PIERCE2: variants seen among roughly 807,000 people sequenced by gnomAD.
The protein encoded by PIERCE2 is piercer of microtubule wall 2.
At chr15:55,413,387 G>T in the PIERCE2 span, among the ~76,000 whole-genome samples, 3 of 152,162 alleles carry the variant, frequency 2.0e-5, no homozygotes, top group African/African-American at 7.2e-5. Flanking sequence ...GATCACTACT[G>T]CACTCTAGCC....
the PIERCE2 span, chr15:55,408,866 C>A: frequency 2.0e-6 from 2 of 996,788 alleles, no homozygotes; most frequent in Non-Finnish European, 2.9e-6. Flanking sequence ...ACTCCTACCA[C>A]CCCCAACCCC....
the PIERCE2 span, among the ~76,000 whole-genome samples, chr15:55,409,289 C>T: frequency 6.6e-6 from 1 of 152,074 alleles, no homozygotes; most frequent in South Asian, 2.1e-4. Flanking sequence ...CCTGTAATCC[C>T]AGCTACTTGG....
chr15:55,416,184 C>G, the PIERCE2 span, among the ~76,000 whole-genome samples: 3 of 152,134 alleles, frequency 2.0e-5, no homozygotes, highest in African/African-American at 7.2e-5. Context: ...ACTGCAACCT[C>G]TGCCTCATGG....
chr15:55,415,477 G>C, the PIERCE2 span, among the ~76,000 whole-genome samples: 2 of 150,174 alleles, frequency 1.3e-5, no homozygotes, highest in South Asian at 2.1e-4. Flanking sequence ...AAAAAAAAGA[G>C]GGAAGGGAAG....
the PIERCE2 span, among the ~76,000 whole-genome samples, chr15:55,415,391 G>C: frequency 6.6e-6 from 1 of 151,418 alleles, no homozygotes; most frequent in African/African-American, 2.4e-5. Context: ...GGAAGGCGGA[G>C]GTTGCAGTGA....
At chr15:55,418,334 A>T in the PIERCE2 span, 2 of 1,540,982 alleles carry the variant, frequency 1.3e-6, no homozygotes, top group Non-Finnish European at 1.8e-6. Context: ...GGATCCAAAG[A>T]CACTCCAGAC....
chr15:55,418,221 A>G, the PIERCE2 span: 9 of 1,569,544 alleles, frequency 5.7e-6, no homozygotes, highest in Admixed American at 1.9e-5. Flanking sequence ...TTTATCTTTT[A>G]GGATAAGAAA....
chr15:55,417,790 T>A, the PIERCE2 span: 1 of 213,690 alleles, frequency 4.7e-6, no homozygotes, highest in Non-Finnish European at 9.4e-6. Context: ...ATCACCTGGG[T>A]GGAGGCGGGC....
chr15:55,416,446 C>T, the PIERCE2 span, among the ~76,000 whole-genome samples: 1 of 152,048 alleles, frequency 6.6e-6, no homozygotes, highest in Non-Finnish European at 1.5e-5. Flanking sequence ...ATGCAAAGTG[C>T]TTTTCAGTGC....
chr15:55,409,241 A>G, the PIERCE2 span, among the ~76,000 whole-genome samples: 1 of 152,100 alleles, frequency 6.6e-6, no homozygotes, highest in Non-Finnish European at 1.5e-5. Context: ...CTCCGTCTCT[A>G]CTAAATACAA....
At chr15:55,416,157 T>G in the PIERCE2 span, among the ~76,000 whole-genome samples, 1 of 152,008 alleles carries the variant, frequency 6.6e-6, no homozygotes. Context: ...TGGAGTGCAG[T>G]GGCGTGATCT....
the PIERCE2 span, among the ~76,000 whole-genome samples, chr15:55,413,777 A>AAG: frequency 4.6e-5 from 7 of 151,694 alleles, no homozygotes; most frequent in Admixed American, 4.6e-4. Flanking sequence ...AAAAAAAAAA[A>AAG]AAGACTGTTT....
the PIERCE2 span, among the ~76,000 whole-genome samples, chr15:55,416,105 T>G: frequency 0.077 from 11,557 of 150,418 alleles, 478 homozygotes; most frequent in East Asian, 0.1. Context: ...GTTATATATA[T>G]AGAGAGAGAG....
At chr15:55,413,027 G>C in the PIERCE2 span, among the ~76,000 whole-genome samples, 1 of 152,112 alleles carries the variant, frequency 6.6e-6, no homozygotes. Context: ...CCAGCACTTT[G>C]GGAGGCCAAG....
the PIERCE2 span, among the ~76,000 whole-genome samples, chr15:55,409,199 A>G: frequency 6.6e-6 from 1 of 152,190 alleles, no homozygotes; most frequent in African/African-American, 2.4e-5. Context: ...TGAGGTCAGG[A>G]GTTCGAGACC....
At chr15:55,414,463 G>C in the PIERCE2 span, among the ~76,000 whole-genome samples, 1 of 151,700 alleles carries the variant, frequency 6.6e-6, no homozygotes, top group Non-Finnish European at 1.5e-5. Context: ...CACCGCACTC[G>C]GCCTAGAAAT....
chr15:55,416,120 A>AG, the PIERCE2 span, among the ~76,000 whole-genome samples: 3 of 129,094 alleles, frequency 2.3e-5, no homozygotes, highest in African/African-American at 8.1e-5. Flanking sequence ...AGAGAGAGAG[A>AG]TAGAGTCTTT....
chr15:55,414,716 T>C, the PIERCE2 span, among the ~76,000 whole-genome samples: 1 of 151,118 alleles, frequency 6.6e-6, no homozygotes, highest in African/African-American at 2.4e-5. Context: ...CCATCTCTAC[T>C]AAAATACAAA....
the PIERCE2 span, among the ~76,000 whole-genome samples, chr15:55,413,653 G>T: frequency 6.6e-6 from 1 of 150,730 alleles, no homozygotes; most frequent in East Asian, 2.0e-4. Context: ...CCAGCTACTC[G>T]GGAGGCTGAG....
Sources: allele counts gnomAD v4.1 joint callset (sites outside exome capture counted in the v4.1 genomes callset), GRCh38; gene constraint gnomAD v4.1.1; transcripts MANE v1.5; gene names NCBI Gene and HGNC (gene_info 2026-07-23, HGNC 2026-07-21).